Variants in SDK1 observed in about 807,000 individuals in gnomAD.
SDK1 encodes protein sidekick-1.
SDK1 carries 157 observed loss-of-function variants against 245.5 expected under a neutral mutation model. The ratio of observed to expected loss-of-function variants is 0.64; its 90% CI spans 0.56 to 0.73. The LOEUF is 0.73. Ranked by LOEUF, SDK1 falls within the 30% of genes least tolerant of loss-of-function variation. The pLI is 0.00. For missense variants in SDK1, 3,583 were observed against 3,002.3 expected, an observed-to-expected ratio of 1.19 and a Z score of -4.52; for synonymous variants, 1,647 against 1,278.5, an observed-to-expected ratio of 1.29 and a Z score of -6.15.
chr7:3,328,426 T>C (rs1023887353), intron 1 of SDK1, among the ~76,000 whole-genome samples: 2 of 152,094 alleles, frequency 1.3e-5, no homozygotes, highest in African/African-American at 4.8e-5. Flanking sequence ...AACATTCTAG[T>C]TCAGATGATC....
rs151276851 is a variant in SDK1, at chr7:3,575,747, T to C, written c.299-43333T>C. Among the ~76,000 whole-genome samples, 7 of 152,188 alleles carry C rather than the reference T, an allele frequency of 4.6e-5. No individual in the cohort carries two copies. The East Asian group carries it at 1.3e-3, about 29-fold the overall frequency. ...CATTTTTTTTGTTCTCCCAGATTTA[T>C]GGGAATGTAGTAGAAACAGGCTTCC... On this transcript the variant is annotated intron_variant, in intron 1 of 44. Transcript: ENST00000404826.
At chr7:4,035,725 A>T (rs185946189) in intron 17 of SDK1, among the ~76,000 whole-genome samples, 60 of 152,296 alleles carry the variant, frequency 3.9e-4, no homozygotes, top group African/African-American at 1.3e-3. Flanking sequence ...TCTTGGATAA[A>T]CACATGATTG....
chr7:3,945,708 G>A (rs1780547344), intron 5 of SDK1, among the ~76,000 whole-genome samples: 1 of 151,726 alleles, frequency 6.6e-6, no homozygotes, highest in Non-Finnish European at 1.5e-5. Flanking sequence ...GACCATCCTG[G>A]CTAACATGGT....
intron 5 of SDK1, among the ~76,000 whole-genome samples, chr7:3,882,457 A>G (rs1049529471): frequency 1.3e-5 from 2 of 152,166 alleles, no homozygotes; most frequent in Admixed American, 1.3e-4. Flanking sequence ...TCTCTCTTTT[A>G]TCATCTGACC....
chr7:3,492,014 T>C (rs1781877851), intron 1 of SDK1, among the ~76,000 whole-genome samples: 2 of 152,220 alleles, frequency 1.3e-5, no homozygotes, highest in African/African-American at 4.8e-5. Flanking sequence ...TTCTTCCAAT[T>C]TACATTGACT....
intron 1 of SDK1, among the ~76,000 whole-genome samples, chr7:3,358,704 A>T (rs1780873942): frequency 6.6e-6 from 1 of 152,182 alleles, no homozygotes; most frequent in African/African-American, 2.4e-5. Flanking sequence ...TTGAGAATGA[A>T]TCCAATTGGC....
At chr7:3,844,547 A>G (rs951270150) in intron 5 of SDK1, among the ~76,000 whole-genome samples, 1 of 152,202 alleles carries the variant, frequency 6.6e-6, no homozygotes, top group East Asian at 1.9e-4. Context: ...CAGATGGACA[A>G]CTGCCTGTAA....
intron 17 of SDK1, among the ~76,000 whole-genome samples, chr7:4,042,301 G>A (rs1475682535): frequency 7.4e-6 from 1 of 135,920 alleles, no homozygotes; most frequent in Non-Finnish European, 1.5e-5. Context: ...GCTACTCTCT[G>A]ATCCAGGTTT....
intron 4 of SDK1, among the ~76,000 whole-genome samples, chr7:3,745,883 C>T (rs1244567979): frequency 6.6e-6 from 1 of 152,132 alleles, no homozygotes; most frequent in African/African-American, 2.4e-5. Context: ...TTGAGATTTT[C>T]TGTATAATTA....
intron 1 of SDK1, among the ~76,000 whole-genome samples, chr7:3,526,232 C>CA (rs1257975737): frequency 4.8e-5 from 7 of 147,332 alleles, no homozygotes; most frequent in Non-Finnish European, 1.5e-5. Flanking sequence ...GACTCCGTCG[C>CA]AAAAAAAGAA....
At chr7:3,548,793 T>G (rs1315922607) in intron 1 of SDK1, among the ~76,000 whole-genome samples, 1 of 152,220 alleles carries the variant, frequency 6.6e-6, no homozygotes, top group Non-Finnish European at 1.5e-5. Context: ...AAGTTTCTAA[T>G]TAACCTAGGG....
chr7:4,120,465 G>A (rs7798543), intron 25 of SDK1, among the ~76,000 whole-genome samples: 7,708 of 148,780 alleles, frequency 0.052, 1,053 homozygotes, highest in African/African-American at 0.18. Flanking sequence ...TAATAATCTC[G>A]AAGGAGCTAA....
chr7:3,835,947 T>C (rs960692273), intron 5 of SDK1, among the ~76,000 whole-genome samples: 1 of 152,234 alleles, frequency 6.6e-6, no homozygotes, highest in African/African-American at 2.4e-5. Flanking sequence ...ACACACAAGA[T>C]TGTAGGCTGA....
At chr7:4,048,403 T>G (rs902593170) in intron 17 of SDK1, among the ~76,000 whole-genome samples, 3 of 152,142 alleles carry the variant, frequency 2.0e-5, no homozygotes, top group African/African-American at 7.2e-5. Context: ...CATTGCCTTA[T>G]GTATGCGTCA....
At chr7:3,831,731 C>T (rs1347603871) in intron 5 of SDK1, among the ~76,000 whole-genome samples, 3 of 151,780 alleles carry the variant, frequency 2.0e-5, no homozygotes, top group Admixed American at 6.6e-5. Flanking sequence ...TGCTGTATGC[C>T]CTGTATGTAA....
intron 4 of SDK1, among the ~76,000 whole-genome samples, chr7:3,701,328 A>ATGTCTATAAAAAGTGGACTATG (rs1784732730): frequency 1.3e-5 from 2 of 152,250 alleles, no homozygotes; most frequent in South Asian, 4.1e-4. Flanking sequence ...CAACATGTCC[A>ATGTCTATAAAAAGTGGACTATG]TGTCTATAAA....
chr7:3,410,578 C>CTTTTTTT (rs776277920), intron 1 of SDK1, among the ~76,000 whole-genome samples: 3 of 82,052 alleles, frequency 3.7e-5, no homozygotes, highest in Non-Finnish European at 6.7e-5. Flanking sequence ...GAAATGATAT[C>CTTTTTTT]TTTTTTTTTT....
chr7:3,885,457 G>A (rs1194463840), intron 5 of SDK1, among the ~76,000 whole-genome samples: 1 of 152,060 alleles, frequency 6.6e-6, no homozygotes, highest in African/African-American at 2.4e-5. Context: ...TTTATTGTAC[G>A]TTATTATCCC....
chr7:3,319,113 C>G (rs1265900640), intron 1 of SDK1, among the ~76,000 whole-genome samples: 1 of 152,092 alleles, frequency 6.6e-6, no homozygotes, highest in Non-Finnish European at 1.5e-5. Context: ...AGTGGGGCCT[C>G]ACGGAGAATG....
Sources: gnomAD v4.1 joint callset for allele counts (sites outside exome capture counted in the v4.1 genomes callset) on GRCh38, gnomAD v4.1.1 for gene constraint, MANE v1.5 for transcripts, NCBI Gene and HGNC (gene_info 2026-07-23, HGNC 2026-07-21) for gene names.